CFAP92: variants seen among roughly 807,000 people sequenced by gnomAD.
CFAP92 encodes cilia and flagella associated protein 92 (putative).
A neutral mutation model predicts 106.3 loss-of-function variants in CFAP92; 86 were observed. That is an observed-to-expected ratio of 0.81 (90% CI 0.68 to 0.97). The LOEUF (loss-of-function observed/expected upper bound fraction) is 0.97. Among genes scored for constraint, CFAP92 ranks in the 50% least tolerant of loss-of-function variants. The pLI is 0.00. For synonymous variants in CFAP92, 477 were observed against 506.4 expected (o/e 0.94, Z 0.78); for missense variants, 1,204 against 1,283.8 (o/e 0.94, Z 0.95).
Position 128,987,811 on chromosome 3 carries a change from C to T in CFAP92, c.472G>A (p.Glu158Lys), listed in dbSNP as rs770990656. Residue 158 changes from glutamate (E) to lysine (K), a missense_variant, in exon 4 of 16, where the codon GAA becomes AAA. By Grantham distance (56) the Glu-to-Lys change is moderately conservative. Transcript: ENST00000645291. ...CACGACACCCAGGCTTTGTCACCTT[C>T]GTGCCACGGCTTCACAGTCTGTGTA... Reference protein sequence around the residue: ...SGVKTVKPWHEGDKAWVSWEQ... With the variant: ...SGVKTVKPWHKGDKAWVSWEQ... 5.0e-6 allele frequency: 8 copies of T among 1,610,358 alleles called. No homozygotes were observed. The highest frequency in any genetic ancestry group is 4.0e-5 in the African/African-American group (3 of 74,848).
chr3:128,962,775 T>G (rs1010540667), intron 9 of CFAP92, among the ~76,000 whole-genome samples: 2 of 152,152 alleles, frequency 1.3e-5, no homozygotes, highest in Admixed American at 1.3e-4. Flanking sequence ...CTATAAACTC[T>G]CCTTACCATT....
At chr3:129,001,506 G>A in intron 1 of CFAP92, 2 of 1,306,184 alleles carry the variant, frequency 1.5e-6, no homozygotes, top group South Asian at 2.2e-5. Flanking sequence ...GGTCCCCGGC[G>A]CCGCTCCAAC....
chr3:128,953,385 G>A (rs1176611194), intron 9 of CFAP92, among the ~76,000 whole-genome samples: 1 of 151,848 alleles, frequency 6.6e-6, no homozygotes, highest in Non-Finnish European at 1.5e-5. Flanking sequence ...CGTGGTGGTG[G>A]GCGCCTGTAG....
At chr3:128,935,693 CAA>C (rs1049927935) in intron 10 of CFAP92, among the ~76,000 whole-genome samples, 39 of 152,118 alleles carry the variant, frequency 2.6e-4, no homozygotes, top group African/African-American at 8.7e-4. Context: ...GCCTGGGTAA[CAA>C]GAGCGAAACT....
chr3:128,978,337 C>T (rs1943295389), intron 4 of CFAP92, 152 bp from the exon 5 acceptor site: 2 of 693,824 alleles, frequency 2.9e-6, no homozygotes, highest in Non-Finnish European at 4.7e-6. Flanking sequence ...ACATTATCTT[C>T]CCAGTGCATA....
chr3:128,958,054 C>T (rs905765145), intron 9 of CFAP92, among the ~76,000 whole-genome samples: 14 of 152,132 alleles, frequency 9.2e-5, no homozygotes, highest in African/African-American at 2.7e-4. Flanking sequence ...CTTCCCTCTA[C>T]GTGTGTCTGT....
chr3:128,984,496 A>C (rs1230301765), intron 4 of CFAP92, among the ~76,000 whole-genome samples: 1 of 152,014 alleles, frequency 6.6e-6, no homozygotes, highest in African/African-American at 2.4e-5. Flanking sequence ...TTCAACTTTT[A>C]GACTCTTGGA....
intron 1 of CFAP92, chr3:129,001,816 T>C (rs1944774862): frequency 3.2e-6 from 5 of 1,545,516 alleles, no homozygotes; most frequent in Non-Finnish European, 4.4e-6. Context: ...CAGGAGGTCT[T>C]CCACCACCTG....
At chr3:128,967,852 T>C (rs1331032940) in intron 8 of CFAP92, 1 of 152,192 alleles carries the variant, frequency 6.6e-6, no homozygotes, top group Non-Finnish European at 1.5e-5. Flanking sequence ...CTGCTGACAG[T>C]TGGGGCAGAC....
At chr3:128,938,597 C>T (rs980568419) in intron 10 of CFAP92, among the ~76,000 whole-genome samples, 2 of 151,268 alleles carry the variant, frequency 1.3e-5, no homozygotes, top group East Asian at 3.9e-4. Context: ...GGGTTCATGC[C>T]ATTCTCCTGC....
At chr3:128,952,195 A>C (rs1940880899) in intron 9 of CFAP92, among the ~76,000 whole-genome samples, 1 of 150,760 alleles carries the variant, frequency 6.6e-6, no homozygotes, top group Non-Finnish European at 1.5e-5. Context: ...CAGTGGTGCA[A>C]TCATAGCTCA....
chr3:128,948,009 A>G (rs1940402887), intron 9 of CFAP92, among the ~76,000 whole-genome samples: 1 of 152,222 alleles, frequency 6.6e-6, no homozygotes, highest in South Asian at 2.1e-4. Context: ...GGACTTCATC[A>G]AAATTAAAAT....
At position 128,915,418 on chromosome 3, in the gene CFAP92, T is replaced by C. The variant is rs1936729336; in HGVS notation, c.3062A>G (p.Gln1021Arg). The C allele has an allele frequency of 1.3e-6, 2 of 1,536,064 alleles. No individual in the cohort carries two copies. Among genetic ancestry groups the C allele is most frequent in the Non-Finnish European group, 1.7e-6 (2 of 1,146,924 alleles). ...TARGFQVTGL[Q>R]SDTESSFQDL... ...CTGAAAGCTGCTTTCGGTGTCGCTC[T>C]GAAGACCTGTCACTTGGAATCCCCT... is the stretch of plus-strand genomic sequence containing the variant. Residue 1021 changes from glutamine (Q) to arginine (R), a missense_variant, in exon 14 of 16, where the codon CAG becomes CGG. Gln to Arg is a conservative substitution (Grantham distance 43, BLOSUM62 1). Transcript: ENST00000645291.
At chr3:128,989,237 G>A (rs2107817462) in intron 2 of CFAP92, among the ~76,000 whole-genome samples, 1 of 150,466 alleles carries the variant, frequency 6.6e-6, no homozygotes, top group African/African-American at 2.5e-5. Context: ...ATGTTATTAG[G>A]AGAGACGCCA....
At chr3:128,939,346 C>T (rs1352183815) in intron 10 of CFAP92, among the ~76,000 whole-genome samples, 2 of 152,090 alleles carry the variant, frequency 1.3e-5, no homozygotes, top group Admixed American at 6.6e-5. Flanking sequence ...ACCATGTTGG[C>T]CAGGCTGGTC....
chr3:129,009,654 T>G, the CFAP92 span, among the ~76,000 whole-genome samples: 1 of 152,220 alleles, frequency 6.6e-6, no homozygotes, highest in Non-Finnish European at 1.5e-5. Context: ...CAAGGGGCAC[T>G]GTACCCCAGA....
chr3:128,914,958 A>G (rs922246557), intron 15 of CFAP92, 161 bp downstream of exon 15: 18 of 685,132 alleles, frequency 2.6e-5, no homozygotes, highest in Non-Finnish European at 3.8e-5. Context: ...CCAGCATTCA[A>G]TCTCTTTTTT....
chr3:129,001,856 C>T (rs1185439941), intron 1 of CFAP92: 2 of 1,546,052 alleles, frequency 1.3e-6, no homozygotes, highest in Non-Finnish European at 8.7e-7. Flanking sequence ...GTCTGCCCCG[C>T]GCCGACTTCC....
At chr3:128,964,822 C>T (rs1347517846) in intron 9 of CFAP92, among the ~76,000 whole-genome samples, 1 of 152,198 alleles carries the variant, frequency 6.6e-6, no homozygotes, top group Non-Finnish European at 1.5e-5. Context: ...GGTTCCCACG[C>T]TGCCCCTAAT....
Sources: gnomAD v4.1 joint callset for allele counts (sites outside exome capture counted in the v4.1 genomes callset) on GRCh38, gnomAD v4.1.1 for gene constraint, MANE v1.5 for transcripts, NCBI Gene and HGNC (gene_info 2026-07-23, HGNC 2026-07-21) for gene names.